Variants in DCP1B observed in about 807,000 individuals in gnomAD.
The protein encoded by DCP1B is mRNA-decapping enzyme 1B.
Under a neutral mutation model 60.5 loss-of-function variants are expected in DCP1B, and 47 were observed. The observed-to-expected ratio is 0.78, with a 90% CI of 0.61 to 0.99. The LOEUF (loss-of-function observed/expected upper bound fraction) is 0.99, where lower values mean the gene tolerates loss of function less well. Ranked by LOEUF, DCP1B falls within the 50% of genes least tolerant of loss-of-function variation. The pLI is 0.00. For missense variants in DCP1B, 725 were observed against 756.8 expected, an observed-to-expected ratio of 0.96 and a Z score of 0.49; for synonymous variants, 267 against 280.3, an observed-to-expected ratio of 0.95 and a Z score of 0.47.
rs545340228 is a variant in DCP1B at position 1,961,857 on chromosome 12, C to T, written c.522+3701G>A. The stretch of plus-strand genomic sequence containing the variant: ...ATGGCCTAAATTAAATCTCCAGAAC[C>T]GTATATGAGTGTTTCTGAGAGAGAC... On this transcript the variant is annotated intron_variant, in intron 5 of 8. Transcript: ENST00000280665. Among the ~76,000 whole-genome samples the T allele has an allele frequency of 7.2e-5, 11 of 152,130 alleles. No homozygotes were observed. The East Asian group carries it at 9.7e-4, about 13-fold the overall frequency.
chr12:1,980,883 T>A (rs2035935207), intron 3 of DCP1B, among the ~76,000 whole-genome samples: 1 of 152,018 alleles, frequency 6.6e-6, no homozygotes, highest in Admixed American at 6.6e-5. Flanking sequence ...ACACAGTGAA[T>A]AAACTTCTTA....
At chr12:1,942,549 C>T (rs1435513637), downstream of DCP1B, among the ~76,000 whole-genome samples, 1 of 152,190 alleles carries the variant, frequency 6.6e-6, no homozygotes, top group African/African-American at 2.4e-5. Context: ...AAGTAAAGCA[C>T]TCCTTAGCAA....
chr12:2,001,393 A>C (rs2042169199), intron 1 of DCP1B, among the ~76,000 whole-genome samples: 1 of 152,190 alleles, frequency 6.6e-6, no homozygotes, highest in Non-Finnish European at 1.5e-5. Context: ...TTAATATTAT[A>C]CTGTATTATA....
At chr12:1,978,359 G>A (rs983399764) in intron 3 of DCP1B, among the ~76,000 whole-genome samples, 5 of 152,110 alleles carry the variant, frequency 3.3e-5, no homozygotes, top group Non-Finnish European at 5.9e-5. Context: ...AAGCCAAGAC[G>A]CAAAGTAATA....
chr12:1,967,778 A>T, intron 4 of DCP1B, 66 bp downstream of exon 4: 1 of 1,366,316 alleles, frequency 7.3e-7, no homozygotes, highest in East Asian at 2.3e-5. Flanking sequence ...TAGTATAGTT[A>T]CACACACTTA....
chr12:1,988,112 C>T (rs1325837308), intron 3 of DCP1B, among the ~76,000 whole-genome samples: 1 of 152,164 alleles, frequency 6.6e-6, no homozygotes, highest in Non-Finnish European at 1.5e-5. Context: ...ATTTGTATAT[C>T]AGTCACAATA....
intron 5 of DCP1B, among the ~76,000 whole-genome samples, chr12:1,961,991 T>G (rs1362645539): frequency 6.6e-6 from 1 of 152,082 alleles, no homozygotes; most frequent in African/African-American, 2.4e-5. Context: ...TACTCACAGG[T>G]CCTGGAGACA....
chr12:1,980,832 G>A (rs2035922117), intron 3 of DCP1B, among the ~76,000 whole-genome samples: 1 of 151,962 alleles, frequency 6.6e-6, no homozygotes. Flanking sequence ...AAACAGAGAT[G>A]TGGCCTGTTT....
Position 2,004,179 on chromosome 12 carries a change from G to A in DCP1B, c.150+103C>T, listed in dbSNP as rs761237703. On this transcript the variant is annotated intron_variant, in intron 1 of 8. Coordinates refer to ENST00000280665, the MANE Select transcript of DCP1B (RefSeq NM_152640.5). ...CCCCAGATCCACCCACTTCCAGGGCGTCAACGTCTCCTCCCCCTCACCGGG... is the reference window on the plus strand; with the variant it reads ...CCCCAGATCCACCCACTTCCAGGGCATCAACGTCTCCTCCCCCTCACCGGG... 12 of 1,512,330 alleles carry A rather than the reference G, an allele frequency of 7.9e-6. No homozygotes were observed. The South Asian group carries it at 9.6e-5, about 12-fold the overall frequency. The allele number at this position is 1,512,330 out of a possible 1,614,324, so 93.7% of individuals were successfully genotyped here. A position where few individuals can be genotyped will look rare whatever the true frequency, so the allele number is the denominator to read the frequency against.
intron 8 of DCP1B, among the ~76,000 whole-genome samples, chr12:1,946,776 T>C (rs1454211912): frequency 6.6e-6 from 1 of 152,208 alleles, no homozygotes; most frequent in African/African-American, 2.4e-5. Context: ...CATAGCTCAC[T>C]GCAGCCTCAA....
chr12:1,963,785 A>T (rs2031204409), intron 5 of DCP1B, among the ~76,000 whole-genome samples: 1 of 152,230 alleles, frequency 6.6e-6, no homozygotes. Flanking sequence ...TCTGGGTGAT[A>T]TAGATGCTTA....
chr12:1,993,749 A>T (rs559893600), intron 2 of DCP1B, among the ~76,000 whole-genome samples: 1 of 152,300 alleles, frequency 6.6e-6, no homozygotes, highest in African/African-American at 2.4e-5. Flanking sequence ...TTTAAAGAAT[A>T]CTTTTTAAAA....
At chr12:1,981,531 C>T (rs2036130767) in intron 3 of DCP1B, among the ~76,000 whole-genome samples, 1 of 152,114 alleles carries the variant, frequency 6.6e-6, no homozygotes, top group South Asian at 2.1e-4. Flanking sequence ...TAGTAATTGC[C>T]TTTATTTCTA....
intron 1 of DCP1B, among the ~76,000 whole-genome samples, chr12:2,002,238 T>C (rs1294855659): frequency 6.6e-6 from 1 of 152,222 alleles, no homozygotes; most frequent in Non-Finnish European, 1.5e-5. Flanking sequence ...CTTTCTCCTC[T>C]ATTCTCAACA....
intron 7 of DCP1B, chr12:1,950,322 A>G (rs2030617619): frequency 2.8e-6 from 2 of 702,428 alleles, no homozygotes; most frequent in Non-Finnish European, 5.2e-6. Flanking sequence ...TTCTGAGCAC[A>G]GCGTGGGCTG....
chr12:1,971,263 C>T lies in DCP1B; in HGVS notation c.320-3353G>A, dbSNP rs1388532757. ...ACATGTTGAAATTTACTCTAAATAT[C>T]CTAATGATACCTAGAATGTGACTTC... On this transcript the variant is annotated intron_variant, in intron 3 of 8. Transcript: ENST00000280665. The surrounding 1 kb of genome is among the most constrained non-coding windows in gnomAD (Gnocchi z 4.2). The T allele has an allele frequency of 4.8e-6, 4 of 835,342 alleles. No individual in the cohort carries two copies. In the African/African-American group the frequency reaches 7.0e-5, roughly 15 times the overall value. The allele number at this position is 835,342 out of a possible 1,614,324, so 51.7% of individuals were successfully genotyped here.
chr12:1,974,445 G>A (rs150275978), intron 3 of DCP1B, among the ~76,000 whole-genome samples: 5 of 152,058 alleles, frequency 3.3e-5, no homozygotes, highest in African/African-American at 4.8e-5. Context: ...TGTATATTTC[G>A]ATTGATCCAG....
In DCP1B at chr12:1,946,198, C is replaced by T; in HGVS notation, c.*8G>A. ...GACCTTGAAAATCAGTTTTAAAAGG[C>T]CTTGCTGTCACATAGTCTTTTTCAT... On this transcript the variant is annotated 3_prime_UTR_variant, in exon 9 of 9. Coordinates refer to ENST00000280665, the MANE Select transcript of DCP1B (RefSeq NM_152640.5). 3 of 1,581,446 alleles carry T rather than the reference C, an allele frequency of 1.9e-6. No homozygotes were observed. The highest frequency in any genetic ancestry group is 1.2e-5 in the South Asian group (1 of 83,192).
downstream of DCP1B, among the ~76,000 whole-genome samples, chr12:1,942,884 G>C (rs1375700562): frequency 1.3e-5 from 2 of 152,154 alleles, no homozygotes; most frequent in Admixed American, 1.3e-4. Context: ...ACAATTAAAA[G>C]AACTAGAGAA....
Sources: gnomAD v4.1 joint callset for allele counts (sites outside exome capture counted in the v4.1 genomes callset) on GRCh38, gnomAD v4.1.1 for gene constraint, Gnocchi (gnomAD v3.1) non-coding constraint, MANE v1.5 for transcripts, NCBI Gene and HGNC (gene_info 2026-07-23, HGNC 2026-07-21) for gene names.